Variants in TBC1D1 observed in about 807,000 individuals in gnomAD.
TBC1D1 encodes TBC1 domain family member 1.
Under a neutral mutation model 125.6 loss-of-function variants are expected in TBC1D1, and 89 were observed. The observed-to-expected ratio is 0.71, with a 90% CI of 0.60 to 0.85. TBC1D1 has a LOEUF of 0.85. TBC1D1 is among the 40% of genes least tolerant of loss of function. The pLI is 0.00. For synonymous variants in TBC1D1, 565 were observed against 564.1 expected (o/e 1.00, Z -0.02); for missense variants, 1,377 against 1,469.2 (o/e 0.94, Z 1.03).
In TBC1D1 at chr4:38,139,143, G is replaced by A. The variant is rs1170021035; in HGVS notation, c.*1808G>A. The A allele has an allele frequency of 6.6e-6, 1 of 151,436 alleles. No homozygotes were observed. The highest frequency in any genetic ancestry group is 1.5e-5 in the Non-Finnish European group (1 of 67,870). 9.4% of individuals were successfully genotyped at this position (151,436 alleles called of 1,614,324 possible). A position where few individuals can be genotyped will look rare whatever the true frequency, so the allele number is the denominator to read the frequency against. On this transcript the variant is annotated 3_prime_UTR_variant, in exon 20 of 20. Transcript: ENST00000261439. ...TCTGCATCAAGAAAGAAACAAGAAA[G>A]CAATAAAACAAGAAATAATTCATGC...
At chr4:37,930,285 G>A (rs1722999581) in intron 2 of TBC1D1, among the ~76,000 whole-genome samples, 1 of 152,122 alleles carries the variant, frequency 6.6e-6, no homozygotes, top group Non-Finnish European at 1.5e-5. Context: ...AAATTTCAAG[G>A]TGAGTAAGAA....
intron 13 of TBC1D1, 63 bp downstream of exon 15, chr4:38,090,180 T>A (rs1169652892): frequency 1.3e-6 from 2 of 1,503,712 alleles, no homozygotes. Flanking sequence ...GTTAATCACA[T>A]CAGACATAAG....
chr4:37,908,494 C>T (rs11933906), intron 2 of TBC1D1, among the ~76,000 whole-genome samples: 40,801 of 152,032 alleles, frequency 0.27, 5,613 homozygotes, highest in East Asian at 0.3. Context: ...ACATGAGACA[C>T]TTGTGCCTGG....
chr4:38,005,096 A>C (rs967054926), intron 2 of TBC1D1, among the ~76,000 whole-genome samples: 2 of 152,114 alleles, frequency 1.3e-5, no homozygotes, highest in African/African-American at 4.8e-5. Context: ...TGGTTATGAA[A>C]TGATTGACCT....
At chr4:38,098,182 G>A (rs1759702105) in intron 14 of TBC1D1, among the ~76,000 whole-genome samples, 1 of 152,236 alleles carries the variant, frequency 6.6e-6, no homozygotes, top group African/African-American at 2.4e-5. Context: ...GAGGATCTTG[G>A]AGCTGTCTTG....
intron 11 of TBC1D1, among the ~76,000 whole-genome samples, chr4:38,052,488 T>C (rs756892187): frequency 3.3e-5 from 5 of 151,626 alleles, no homozygotes; most frequent in Non-Finnish European, 5.9e-5. Context: ...CACGCCACCA[T>C]GCCCGGCTAA....
At position 37,968,237 on chromosome 4, in the gene TBC1D1, A is replaced by G. The variant is rs1731411129; in HGVS notation, c.418-46272A>G. 2.6e-5 allele frequency among the ~76,000 whole-genome samples: 4 copies of G among 152,236 alleles called. No individual in the cohort carries two copies. In the South Asian group the frequency reaches 8.3e-4, roughly 32 times the overall value. On this transcript the variant is annotated intron_variant, in intron 2 of 19. Coordinates refer to ENST00000261439, the MANE Select transcript of TBC1D1 (RefSeq NM_015173.4). ...ACAAGGAGAAAAAAAGGCATCCCCA[A>G]GCTGGTATGAACTTTACTCTCAAAG...
At chr4:38,025,601 T>G (rs1181624179) in intron 6 of TBC1D1, among the ~76,000 whole-genome samples, 2 of 152,228 alleles carry the variant, frequency 1.3e-5, no homozygotes, top group African/African-American at 4.8e-5. Flanking sequence ...TTAGTCTAAC[T>G]CTTCTTAAGC....
At chr4:37,924,255 C>T (rs1721620011) in intron 2 of TBC1D1, among the ~76,000 whole-genome samples, 1 of 152,132 alleles carries the variant, frequency 6.6e-6, no homozygotes, top group Admixed American at 6.5e-5. Context: ...CATCACAGTG[C>T]TATGAGTCAG....
At chr4:37,982,835 A>G (rs1734616377) in intron 2 of TBC1D1, among the ~76,000 whole-genome samples, 1 of 152,188 alleles carries the variant, frequency 6.6e-6, no homozygotes, top group African/African-American at 2.4e-5. Context: ...TCCTTTCCTG[A>G]AGCACCTCTG....
chr4:38,006,002 C>T (rs1173954961), intron 2 of TBC1D1, among the ~76,000 whole-genome samples: 1 of 152,122 alleles, frequency 6.6e-6, no homozygotes, highest in Non-Finnish European at 1.5e-5. Flanking sequence ...TTTCTTTGTC[C>T]ACTTGTATTG....
At chr4:38,123,270 A>C (rs1292607810) in intron 17 of TBC1D1, among the ~76,000 whole-genome samples, 1 of 152,182 alleles carries the variant, frequency 6.6e-6, no homozygotes, top group Non-Finnish European at 1.5e-5. Context: ...TTTTTTGTTC[A>C]GCTATAAAAG....
chr4:38,101,780 C>T (rs1048278170), intron 14 of TBC1D1, among the ~76,000 whole-genome samples: 2 of 152,148 alleles, frequency 1.3e-5, no homozygotes, highest in Admixed American at 6.5e-5. Flanking sequence ...GGTTTCTTGC[C>T]GTCAATTTTG....
intron 12 of TBC1D1, among the ~76,000 whole-genome samples, chr4:38,066,687 G>GC (rs1212665741): frequency 2.0e-5 from 3 of 152,010 alleles, no homozygotes; most frequent in African/African-American, 4.8e-5. Flanking sequence ...AGCTATGCAT[G>GC]CCCCCCCTGG....
chr4:38,020,071 CTTA>C (rs141632319), intron 4 of TBC1D1, among the ~76,000 whole-genome samples: 9,583 of 152,122 alleles, frequency 0.063, 448 homozygotes, highest in Admixed American at 0.13. Context: ...TCTTATTTTT[CTTA>C]TTGTTGTGGG....
intron 13 of TBC1D1, among the ~76,000 whole-genome samples, chr4:38,093,012 A>G (rs1322039065): frequency 1.3e-5 from 2 of 152,314 alleles, no homozygotes; most frequent in Non-Finnish European, 2.9e-5. Context: ...CTCCACACAG[A>G]TAATGGCCCC....
chr4:37,976,644 T>C (rs1733140609), intron 2 of TBC1D1, among the ~76,000 whole-genome samples: 1 of 149,706 alleles, frequency 6.7e-6, no homozygotes, highest in Non-Finnish European at 1.5e-5. Flanking sequence ...GATTAAACCT[T>C]TGGACTTTTT....
At chr4:37,894,833 A>G (rs927851020) in intron 1 of TBC1D1, among the ~76,000 whole-genome samples, 2 of 152,214 alleles carry the variant, frequency 1.3e-5, no homozygotes, top group Non-Finnish European at 2.9e-5. Context: ...GGTTATTCCC[A>G]TCTAAAGATC....
At chr4:37,906,258 C>T (rs1457753561) in intron 2 of TBC1D1, among the ~76,000 whole-genome samples, 1 of 152,172 alleles carries the variant, frequency 6.6e-6, no homozygotes, top group Non-Finnish European at 1.5e-5. Context: ...AGCGATTCTC[C>T]TGCCTCAGCC....
Sources: allele counts gnomAD v4.1 joint callset (sites outside exome capture counted in the v4.1 genomes callset), GRCh38; gene constraint gnomAD v4.1.1; transcripts MANE v1.5; gene names NCBI Gene and HGNC (gene_info 2026-07-23, HGNC 2026-07-21).